AUTS2: variants seen among roughly 807,000 people sequenced by gnomAD.
AUTS2 encodes the protein activator of transcription and developmental regulator AUTS2.
In AUTS2, 17 loss-of-function variants were observed where a neutral mutation model predicts 112.4. The observed-to-expected ratio is 0.15, with a 90% confidence interval of 0.10 to 0.23. The LOEUF (loss-of-function observed/expected upper bound fraction) is 0.23, where lower values mean the gene tolerates loss of function less well. Ranked by LOEUF, AUTS2 falls within the 10% of genes least tolerant of loss-of-function variation. The probability of loss-of-function intolerance (pLI) is 1.00; values close to 1 mark genes in which losing one functional copy is unlikely to be tolerated. For missense variants in AUTS2, 1,510 were observed against 1,701.6 expected (o/e 0.89, Z 1.98); for synonymous variants, 751 against 702.7 (o/e 1.07, Z -1.09).
chr7:69,774,371 GCC>G (rs1788805179), intron 1 of AUTS2, among the ~76,000 whole-genome samples: 1 of 152,234 alleles, frequency 6.6e-6, no homozygotes, highest in South Asian at 2.1e-4. Context: ...CTGTACTCCA[GCC>G]TGGGCAACAG....
At chr7:69,798,490 T>G (rs1354553872) in intron 1 of AUTS2, among the ~76,000 whole-genome samples, 1 of 152,158 alleles carries the variant, frequency 6.6e-6, no homozygotes, top group Non-Finnish European at 1.5e-5. Flanking sequence ...TACTCCTAAC[T>G]GTGGCCCCTA....
chr7:70,543,484 G>C (rs913397678), intron 5 of AUTS2, among the ~76,000 whole-genome samples: 1 of 150,016 alleles, frequency 6.7e-6, no homozygotes, highest in Non-Finnish European at 1.5e-5. Context: ...AGCTGAGATC[G>C]CACCACTGCA....
Position 70,787,602 on chromosome 7 carries a change from A to G in AUTS2, c.2531+171A>G, listed in dbSNP as rs2293497. The stretch of plus-strand genomic sequence containing the variant: ...CAGCCCCTCGCAGTCCCCATGGCCC[A>G]TAGCATATGGTGACCGTAGGAGATA... On this transcript the variant is annotated intron_variant, in intron 18 of 18. Coordinates refer to ENST00000342771, the MANE Select transcript of AUTS2 (RefSeq NM_015570.4). 0.76 allele frequency among the ~76,000 whole-genome samples: 115,215 copies of G among 152,004 alleles called. 43,962 individuals carry two copies. Among genetic ancestry groups the G allele is most frequent in the Middle Eastern group, 0.81 (238 of 294 alleles).
chr7:70,311,108 C>T (rs886564491), intron 4 of AUTS2, among the ~76,000 whole-genome samples: 2 of 152,158 alleles, frequency 1.3e-5, no homozygotes, highest in African/African-American at 2.4e-5. Flanking sequence ...TTCAATCTAC[C>T]AGCTTTCCTA....
rs140853921 is a variant in AUTS2 at position 70,615,550 on chromosome 7, C to G, written c.691-83019C>G. 1.4e-3 allele frequency among the ~76,000 whole-genome samples: 213 copies of G among 148,344 alleles called. 1 individual carries two copies. The highest frequency in any genetic ancestry group is 5.2e-3 in the African/African-American group (207 of 39,622). On this transcript the variant is annotated intron_variant, in intron 5 of 18. Coordinates refer to ENST00000342771, the MANE Select transcript of AUTS2 (RefSeq NM_015570.4). ...TTTCAGGCTTAGAAAAAAAAAACCT[C>G]TAGAAGATTTATGGCTTGTTGTTGT...
intron 2 of AUTS2, among the ~76,000 whole-genome samples, chr7:70,054,489 T>G (rs994296232): frequency 6.6e-6 from 1 of 152,192 alleles, no homozygotes; most frequent in Non-Finnish European, 1.5e-5. Flanking sequence ...GCCTGTGTTC[T>G]CCTTCTGTCC....
At chr7:70,607,969 T>G (rs1222434864) in intron 5 of AUTS2, among the ~76,000 whole-genome samples, 7 of 152,186 alleles carry the variant, frequency 4.6e-5, no homozygotes, top group South Asian at 2.1e-4. Flanking sequence ...CTACAAATAG[T>G]CATATGATAC....
At chr7:70,779,621 C>G (rs919976244) in intron 14 of AUTS2, among the ~76,000 whole-genome samples, 3 of 152,162 alleles carry the variant, frequency 2.0e-5, no homozygotes, top group African/African-American at 7.2e-5. Context: ...TATAGATGCC[C>G]CCTCATGGGG....
At chr7:70,055,139 A>T (rs565346242) in intron 2 of AUTS2, among the ~76,000 whole-genome samples, 25 of 151,906 alleles carry the variant, frequency 1.6e-4, no homozygotes, top group Admixed American at 1.0e-3. Context: ...TTTTATATTT[A>T]AAAAAAAATT....
At chr7:70,102,044 G>T (rs1804525509) in intron 2 of AUTS2, among the ~76,000 whole-genome samples, 1 of 151,266 alleles carries the variant, frequency 6.6e-6, no homozygotes, top group Non-Finnish European at 1.5e-5. Context: ...TTGGTTTAAA[G>T]ACTTCATTAA....
chr7:70,435,692 CA>C, intron 4 of AUTS2, 59 bp from the exon 5 acceptor site: 1 of 1,587,134 alleles, frequency 6.3e-7, no homozygotes, highest in Non-Finnish European at 8.6e-7. Context: ...GAGGAGGCAT[CA>C]AAAGCAAAAA....
At chr7:70,751,374 A>C (rs1031649932) in intron 6 of AUTS2, among the ~76,000 whole-genome samples, 2 of 152,218 alleles carry the variant, frequency 1.3e-5, no homozygotes, top group African/African-American at 4.8e-5. Context: ...TCTTTATTTT[A>C]TTCAACTTAA....
At chr7:70,742,992 G>A (rs1012158015) in intron 6 of AUTS2, among the ~76,000 whole-genome samples, 88 of 152,194 alleles carry the variant, frequency 5.8e-4, no homozygotes, top group African/African-American at 2.1e-3. Context: ...CTTGAATCCA[G>A]TTAATTTTGA....
At chr7:70,023,243 CA>C in intron 2 of AUTS2, among the ~76,000 whole-genome samples, 1 of 152,148 alleles carries the variant, frequency 6.6e-6, no homozygotes, top group East Asian at 1.9e-4. Context: ...ATCAATTGGC[CA>C]AACAGGGAAA....
At chr7:70,633,467 C>T (rs896242773) in intron 5 of AUTS2, among the ~76,000 whole-genome samples, 8 of 152,080 alleles carry the variant, frequency 5.3e-5, no homozygotes, top group South Asian at 2.1e-4. Context: ...AAAAATTATC[C>T]GGGTGTGGTG....
At chr7:69,768,620 A>C (rs922132923) in intron 1 of AUTS2, among the ~76,000 whole-genome samples, 14 of 152,220 alleles carry the variant, frequency 9.2e-5, no homozygotes, top group African/African-American at 3.4e-4. Context: ...TTCCTTGTAC[A>C]AAAGAACCAG....
chr7:70,269,059 C>G (rs773760538), intron 4 of AUTS2, among the ~76,000 whole-genome samples: 1 of 152,128 alleles, frequency 6.6e-6, no homozygotes, highest in Admixed American at 6.5e-5. Flanking sequence ...AGCTGTTCTT[C>G]AATAATGTTA....
chr7:70,453,259 T>C (rs898829461), intron 5 of AUTS2, among the ~76,000 whole-genome samples: 4 of 152,212 alleles, frequency 2.6e-5, no homozygotes, highest in African/African-American at 9.6e-5. Context: ...AATGATAGCG[T>C]TGCTGTCTAA....
At chr7:70,306,142 A>G (rs1012296424) in intron 4 of AUTS2, among the ~76,000 whole-genome samples, 10 of 152,204 alleles carry the variant, frequency 6.6e-5, no homozygotes, top group Admixed American at 3.3e-4. Flanking sequence ...AACAAAGGAA[A>G]GATTGGGGGT....
Sources: gnomAD v4.1 joint callset for allele counts (sites outside exome capture counted in the v4.1 genomes callset) on GRCh38, gnomAD v4.1.1 for gene constraint, MANE v1.5 for transcripts, NCBI Gene and HGNC (gene_info 2026-07-23, HGNC 2026-07-21) for gene names.